ADGRL2: variants seen among roughly 807,000 people sequenced by gnomAD.
ADGRL2 encodes calcium-independent alpha-latrotoxin receptor 2.
In ADGRL2, 44 loss-of-function variants were observed where a neutral mutation model predicts 157.4. That is an observed-to-expected ratio of 0.28 (90% CI 0.22 to 0.36). The LOEUF is 0.36. Ranked by LOEUF, ADGRL2 falls within the 10% of genes least tolerant of loss-of-function variation. The pLI, the probability that ADGRL2 is intolerant of heterozygous loss-of-function variation, is 1.00. For missense variants in ADGRL2, 1,510 were observed against 1,768.9 expected, an observed-to-expected ratio of 0.85 and a Z score of 2.63; for synonymous variants, 585 against 624.7, an observed-to-expected ratio of 0.94 and a Z score of 0.95.
chr1:81,378,112 G>A (rs1177291722), intron 1 of ADGRL2, among the ~76,000 whole-genome samples: 1 of 152,002 alleles, frequency 6.6e-6, no homozygotes, highest in Non-Finnish European at 1.5e-5. Flanking sequence ...CCAGGAGGCA[G>A]AGGTTGCAGC....
At chr1:81,514,030 A>T (rs1028638436) in intron 2 of ADGRL2, 13 of 152,116 alleles carry the variant, frequency 8.5e-5, no homozygotes, top group Admixed American at 2.0e-4. Context: ...TTGGGAAGTA[A>T]TCCAGTCAAA....
At chr1:81,812,236 T>A (rs1193539310) in intron 1 of ADGRL2, among the ~76,000 whole-genome samples, 1 of 151,882 alleles carries the variant, frequency 6.6e-6, no homozygotes, top group Non-Finnish European at 1.5e-5. Flanking sequence ...TTATATGCGA[T>A]GAAATAATCA....
In ADGRL2 at chr1:81,907,088, C is replaced by G. The variant is rs748207651; in HGVS notation, c.145C>G (p.Leu49Val). ...ELSCEGYSID[L>V]RCPGSDVIMI... is the part of the protein sequence containing the mutation. ...ATCCTGTGAAGGTTATTCTATAGATCTGCGATGCCCGGGCAGTGATGTCAT... is the reference window on the plus strand; with the variant it reads ...ATCCTGTGAAGGTTATTCTATAGATGTGCGATGCCCGGGCAGTGATGTCAT... The change falls in exon 3 of 24, where the codon CTG becomes GTG. Residue 49 changes from leucine to valine, a missense_variant. By Grantham distance (32) the Leu-to-Val change is conservative. Around this residue, in one of 4 missense-constraint regions of ADGRL2, gnomAD observed 361 missense variants for 498.4 expected, o/e 0.72. Transcript: ENST00000686636. The G allele has an allele frequency of 1.1e-5, 18 of 1,614,088 alleles. No homozygotes were observed. The highest frequency in any genetic ancestry group is 1.4e-5 in the Non-Finnish European group (16 of 1,180,010).
At chr1:81,927,128 G>A (rs189897079) in intron 3 of ADGRL2, among the ~76,000 whole-genome samples, 1 of 151,952 alleles carries the variant, frequency 6.6e-6, no homozygotes, top group Admixed American at 6.6e-5. Context: ...AAGGTTATGG[G>A]AAGATGTTAT....
intron 1 of ADGRL2, among the ~76,000 whole-genome samples, chr1:81,312,965 T>C (rs1045825109): frequency 3.8e-4 from 58 of 152,224 alleles, no homozygotes; most frequent in African/African-American, 1.4e-3. Context: ...TATTATTGAA[T>C]CTCTCTGAGC....
intron 11 of ADGRL2, among the ~76,000 whole-genome samples, chr1:81,964,583 T>C (rs1468424804): frequency 6.6e-6 from 1 of 152,102 alleles, no homozygotes; most frequent in Non-Finnish European, 1.5e-5. Flanking sequence ...ATGAATGTTA[T>C]TATATTTACA....
intron 17 of ADGRL2, among the ~76,000 whole-genome samples, chr1:81,973,038 C>A (rs1659213207): frequency 1.3e-5 from 2 of 151,680 alleles, no homozygotes; most frequent in South Asian, 4.1e-4. Flanking sequence ...AAAAACGTAA[C>A]ACAAATGAGC....
intron 2 of ADGRL2, among the ~76,000 whole-genome samples, chr1:81,539,568 T>A (rs2079832039): frequency 6.6e-6 from 1 of 152,184 alleles, no homozygotes. Context: ...CCAAATCATA[T>A]GGCATGTTAT....
intron 1 of ADGRL2, among the ~76,000 whole-genome samples, chr1:81,429,588 G>C (rs2077282746): frequency 6.6e-6 from 1 of 152,140 alleles, no homozygotes; most frequent in South Asian, 2.1e-4. Flanking sequence ...CCAAATGCCT[G>C]CTTCCTTCGG....
At chr1:81,510,799 T>C (rs965028010) in intron 2 of ADGRL2, among the ~76,000 whole-genome samples, 2 of 152,198 alleles carry the variant, frequency 1.3e-5, no homozygotes, top group African/African-American at 4.8e-5. Flanking sequence ...CTCTCCATTA[T>C]TGGGCTGTCT....
chr1:81,976,751 G>A (rs922981467), intron 17 of ADGRL2, among the ~76,000 whole-genome samples: 6 of 151,860 alleles, frequency 4.0e-5, no homozygotes, highest in South Asian at 4.1e-4. Flanking sequence ...GAGTAGAAGC[G>A]TGGCCAATTG....
chr1:81,418,700 G>A (rs906829462), intron 1 of ADGRL2, among the ~76,000 whole-genome samples: 1 of 152,194 alleles, frequency 6.6e-6, no homozygotes, highest in Non-Finnish European at 1.5e-5. Context: ...CTTGCAGTGA[G>A]CTGAAATCGG....
chr1:81,638,893 A>G (rs1185515943), intron 3 of ADGRL2, among the ~76,000 whole-genome samples: 1 of 152,122 alleles, frequency 6.6e-6, no homozygotes, highest in East Asian at 1.9e-4. Context: ...AGTCCCAGCT[A>G]CCTGGGGAGC....
chr1:81,636,721 G>A (rs139314674), intron 3 of ADGRL2, among the ~76,000 whole-genome samples: 176 of 152,284 alleles, frequency 1.2e-3, no homozygotes, highest in African/African-American at 4.1e-3. Context: ...GGAAACAGTA[G>A]ACTAAACCTC....
chr1:81,836,603 A>T (rs537048392), intron 1 of ADGRL2, among the ~76,000 whole-genome samples: 1 of 152,202 alleles, frequency 6.6e-6, no homozygotes, highest in Non-Finnish European at 1.5e-5. Flanking sequence ...TGATTTGGTG[A>T]TTAGGAATGT....
At chr1:81,662,249 A>ATT (rs2082666433) in intron 3 of ADGRL2, among the ~76,000 whole-genome samples, 1 of 130,730 alleles carries the variant, frequency 7.6e-6, no homozygotes, top group African/African-American at 3.0e-5. Flanking sequence ...GGTCTCATTC[A>ATT]TTCTTTTTTT....
intron 16 of ADGRL2, among the ~76,000 whole-genome samples, chr1:81,971,201 G>A (rs193233012): frequency 1.4e-4 from 22 of 152,196 alleles, no homozygotes; most frequent in African/African-American, 5.1e-4. Context: ...CTTTTTGACT[G>A]TACAGATGAT....
intron 2 of ADGRL2, among the ~76,000 whole-genome samples, chr1:81,530,030 C>CTAGA (rs2079561020): frequency 6.6e-6 from 1 of 152,126 alleles, no homozygotes; most frequent in African/African-American, 2.4e-5. Flanking sequence ...TAAATCTGGG[C>CTAGA]TAGATGATGG....
chr1:81,770,854 T>A (rs1326221482), intron 2 of ADGRL2, among the ~76,000 whole-genome samples: 1 of 152,218 alleles, frequency 6.6e-6, no homozygotes, highest in East Asian at 1.9e-4. Flanking sequence ...AAAATATTTT[T>A]AAATTATATA....
Sources: allele counts gnomAD v4.1 joint callset (sites outside exome capture counted in the v4.1 genomes callset), GRCh38; gene constraint gnomAD v4.1.1; regional missense constraint gnomAD v4.1.1; transcripts MANE v1.5; gene names NCBI Gene and HGNC (gene_info 2026-07-23, HGNC 2026-07-21).